Variants in ZNF226 observed in about 807,000 individuals in gnomAD.
ZNF226 encodes Kruppel-associated box protein.
A neutral mutation model predicts 11.4 loss-of-function variants in ZNF226; 6 were observed. The observed-to-expected ratio is 0.53, with a 90% confidence interval of 0.29 to 1.04. The LOEUF is 1.04. Among genes scored for constraint, ZNF226 ranks in the 50% least tolerant of loss-of-function variants. The pLI is 0.08. For missense variants in ZNF226, 1,058 were observed against 956.5 expected (o/e 1.11, Z -1.40); for synonymous variants, 350 against 322.8 (o/e 1.08, Z -0.90).
At chr19:44,185,592 G>T in the ZNF226 span, among the ~76,000 whole-genome samples, 7 of 152,010 alleles carry the variant, frequency 4.6e-5, no homozygotes, top group African/African-American at 1.7e-4. Flanking sequence ...TCTTTCATTG[G>T]ATTATTTGGG....
At chr19:44,177,828 C>A, downstream of ZNF226, 1 of 873,586 alleles carries the variant, frequency 1.1e-6, no homozygotes, top group Non-Finnish European at 1.6e-6. Flanking sequence ...AGAACCTTGA[C>A]CTTTATAAAA....
chr19:44,172,053 G>T (rs761019514), intron 3 of ZNF226, 35 bp from the exon 4 acceptor site: 46 of 1,601,056 alleles, frequency 2.9e-5, no homozygotes, highest in Non-Finnish European at 3.7e-5. Flanking sequence ...AGTGGACATT[G>T]GTTGTAAGAT....
chr19:44,175,115 C>G (rs1970562818), intron 5 of ZNF226: 7 of 1,570,442 alleles, frequency 4.5e-6, no homozygotes, highest in Non-Finnish European at 6.0e-6. Flanking sequence ...TGCATACATT[C>G]CTTGAGTGAC....
In ZNF226 at chr19:44,177,145, C is replaced by CA. The variant is rs1324589958; in HGVS notation, c.1886dup (p.Asn629LysfsTer18). The CA allele has an allele frequency of 6.2e-7, 1 of 1,613,742 alleles. No homozygotes were observed. The highest frequency in any genetic ancestry group is 2.2e-5 in the East Asian group (1 of 44,876). On this transcript the variant is annotated frameshift_variant, in exon 6 of 6. Coordinates refer to ENST00000337433, the MANE Select transcript of ZNF226 (RefSeq NM_001032373.2). LOFTEE classifies it low-confidence loss of function (END_TRUNC). ...TGTGGGAAGGTCTTCAGGCAGGCCT[C>CA]AAATCTTTTGGCCCATCAGAGAGTC...
In ZNF226 at chr19:44,172,924, G is replaced by T. The variant is rs143030063; in HGVS notation, c.207G>T (p.Thr69=). The part of the protein sequence containing the change: ...IERNEQLWIM[T]TATRRQGNLG... Reference sequence around the variant, plus strand: ...GAAATGAGCAGCTTTGGATAATGACGACAGCAACCCGAAGACAGGGAAATT... The same window carrying T: ...GAAATGAGCAGCTTTGGATAATGACTACAGCAACCCGAAGACAGGGAAATT... The change falls in exon 5 of 6, where the codon ACG becomes ACT. Residue 69 remains threonine (T), a synonymous_variant. Transcript: ENST00000337433. 6.2e-7 allele frequency: 1 copy of T among 1,604,550 alleles called. No individual in the cohort carries two copies. The highest frequency in any genetic ancestry group is 1.1e-5 in the South Asian group (1 of 88,738).
Position 44,177,009 on chromosome 19 carries a change from G to T in ZNF226, c.1747G>T (p.Gly583Cys), listed in dbSNP as rs1490637800. The T allele has an allele frequency of 1.2e-6, 2 of 1,613,894 alleles. No homozygotes were observed. The highest frequency in any genetic ancestry group is 1.7e-6 in the Non-Finnish European group (2 of 1,179,914). ...TCAGATTCACCAGCTGATCCATACG[G>T]GTGAGAAACCATACAAATGTGAAGA... ...RLQIHQLIHT[G>C]EKPYKCEECG... Residue 583 changes from glycine (G) to cysteine (C), a missense_variant, in exon 6 of 6, where the codon GGT (glycine) becomes TGT (cysteine). Physicochemically the swap from Gly to Cys is radical, Grantham distance 159. Coordinates refer to ENST00000337433, the MANE Select transcript of ZNF226 (RefSeq NM_001032373.2).
At chr19:44,178,921 C>T (rs1211144291), downstream of ZNF226, among the ~76,000 whole-genome samples, 3 of 152,162 alleles carry the variant, frequency 2.0e-5, no homozygotes, top group African/African-American at 7.2e-5. Context: ...GGCCCACGTC[C>T]ATAATCCCCG....
the ZNF226 span, among the ~76,000 whole-genome samples, chr19:44,190,503 T>G: frequency 2.0e-5 from 3 of 151,862 alleles, no homozygotes; most frequent in Non-Finnish European, 4.4e-5. Context: ...CTGGCTAATT[T>G]TCTTTGTATT....
intron 2 of ZNF226, among the ~76,000 whole-genome samples, chr19:44,167,236 C>T (rs1259121889): frequency 2.0e-5 from 3 of 151,396 alleles, no homozygotes; most frequent in South Asian, 2.1e-4. Flanking sequence ...TGTTAATTAA[C>T]GTTAGATATT....
In ZNF226 at chr19:44,176,147, TC is replaced by T. The variant is rs1568571622; in HGVS notation, c.887del (p.Pro296LeufsTer35). 1.2e-6 allele frequency: 2 copies of T among 1,614,166 alleles called. No homozygotes were observed. The highest frequency in any genetic ancestry group is 2.2e-5 in the East Asian group (1 of 44,876). ...GKGFCYSPVL[P>X]VHQKVHVGEK... ...AAGGCTTCTGTTACAGCCCAGTTCT[TC>T]CTGTTCATCAGAAAGTACATGTGGG... is the stretch of plus-strand genomic sequence containing the variant. On this transcript the variant is annotated frameshift_variant, in exon 6 of 6. Coordinates refer to ENST00000337433, the MANE Select transcript of ZNF226 (RefSeq NM_001032373.2). LOFTEE classifies it low-confidence loss of function (END_TRUNC).
chr19:44,184,397 T>A, the ZNF226 span, among the ~76,000 whole-genome samples: 1 of 151,998 alleles, frequency 6.6e-6, no homozygotes, highest in Non-Finnish European at 1.5e-5. Context: ...CTGGCCAGGA[T>A]GGTGAAACCC....
the ZNF226 span, among the ~76,000 whole-genome samples, chr19:44,189,281 A>G: frequency 6.6e-6 from 1 of 152,200 alleles, no homozygotes; most frequent in South Asian, 2.1e-4. Flanking sequence ...AGTTTGCATA[A>G]TGGTTTCGAG....
Position 44,175,548 on chromosome 19 carries a change from G to GGA in ZNF226, c.286_287insGA (p.Glu96GlyfsTer17), listed in dbSNP as rs1970597005. On this transcript the variant is annotated frameshift_variant, in exon 6 of 6. Transcript: ENST00000337433. LOFTEE classifies it low-confidence loss of function (END_TRUNC). ...TACTGTTCAAGACAGAGAATCAGAAGAAGAGCTTTCTTGTTGGCAAATCTG... is the reference window on the plus strand; with the variant it reads ...TACTGTTCAAGACAGAGAATCAGAAGGAAAGAGCTTTCTTGTTGGCAAATCTG... 4 of 1,612,300 alleles carry GGA rather than the reference G, an allele frequency of 2.5e-6. No homozygotes were observed. The South Asian group carries it at 4.4e-5, about 18-fold the overall frequency.
At position 44,175,748 on chromosome 19, in the gene ZNF226, A is replaced by G; in HGVS notation, c.486A>G (p.Pro162=). Residue 162 remains proline, a synonymous_variant, in exon 6 of 6, where the codon CCA becomes CCG. Coordinates refer to ENST00000337433, the MANE Select transcript of ZNF226 (RefSeq NM_001032373.2). Reference sequence around the variant, plus strand: ...ATGGTCCCAATAATACTGGGAATCCAGAGTTTCCTATCTTGAGAACCCAGG... The same window carrying G: ...ATGGTCCCAATAATACTGGGAATCCGGAGTTTCCTATCTTGAGAACCCAGG... ...KADGPNNTGN[P]EFPILRTQDS... The G allele has an allele frequency of 1.2e-6, 2 of 1,613,234 alleles. No homozygotes were observed. The highest frequency in any genetic ancestry group is 1.1e-5 in the South Asian group (1 of 90,950).
chr19:44,194,995 G>A, the ZNF226 span, among the ~76,000 whole-genome samples: 1 of 152,062 alleles, frequency 6.6e-6, no homozygotes, highest in South Asian at 2.1e-4. Flanking sequence ...AAAATTTTAA[G>A]CCAGGCTTGC....
At chr19:44,182,561 C>T (rs918027137), downstream of ZNF226, among the ~76,000 whole-genome samples, 2 of 152,116 alleles carry the variant, frequency 1.3e-5, no homozygotes, top group African/African-American at 2.4e-5. Flanking sequence ...TGGGAAGATT[C>T]GGAAGACACT....
chr19:44,192,371 T>C, the ZNF226 span, among the ~76,000 whole-genome samples: 1 of 151,930 alleles, frequency 6.6e-6, no homozygotes, highest in South Asian at 2.1e-4. Context: ...GACTCCAAAG[T>C]TGAGGGAGAG....
chr19:44,172,113 C>G lies in ZNF226; in HGVS notation c.41C>G (p.Ala14Gly), dbSNP rs371884663. ...FKEAVTFKDV[A>G]VAFTEEELGL... ...GAAGCAGTGACCTTCAAGGACGTGG[C>G]TGTGGCCTTCACGGAGGAGGAATTG... The change falls in exon 4 of 6, where the codon GCT (alanine) becomes GGT (glycine). Residue 14 changes from alanine to glycine, a missense_variant. Coordinates refer to ENST00000337433, the MANE Select transcript of ZNF226 (RefSeq NM_001032373.2). 1 of 1,612,700 alleles carries G rather than the reference C, an allele frequency of 6.2e-7. No individual in the cohort carries two copies. Among genetic ancestry groups the G allele is most frequent in the African/African-American group, 1.3e-5 (1 of 74,896 alleles).
chr19:44,172,549 T>G (rs369895124), intron 4 of ZNF226: 1 of 437,460 alleles, frequency 2.3e-6, no homozygotes. Context: ...TAGAACTCCT[T>G]AGGAAGAATG....
Sources: allele counts gnomAD v4.1 joint callset (sites outside exome capture counted in the v4.1 genomes callset), GRCh38; gene constraint gnomAD v4.1.1; transcripts MANE v1.5; gene names NCBI Gene and HGNC (gene_info 2026-07-23, HGNC 2026-07-21).